RC3H1: variants seen among roughly 807,000 people sequenced by gnomAD.
The protein encoded by RC3H1 is ring finger and CCCH-type domains 1, also known as roquin-1.
RC3H1 carries 50 observed loss-of-function variants against 138.2 expected under a neutral mutation model. That is an observed-to-expected ratio of 0.36 (90% confidence interval 0.29 to 0.46). The LOEUF is 0.46. Ranked by LOEUF, RC3H1 falls within the 20% of genes least tolerant of loss-of-function variation. The pLI is 1.00. For synonymous variants in RC3H1, 462 were observed against 489.1 expected, an observed-to-expected ratio of 0.94 and a Z score of 0.73; for missense variants, 1,031 against 1,388.1, an observed-to-expected ratio of 0.74 and a Z score of 4.09.
At chr1:173,964,365 T>C (rs1179992970) in intron 10 of RC3H1, among the ~76,000 whole-genome samples, 178 bp from the exon 11 acceptor site, 1 of 149,540 alleles carries the variant, frequency 6.7e-6, no homozygotes, top group Non-Finnish European at 1.5e-5. Flanking sequence ...TTTTCTTTTT[T>C]TTTTGAGACA....
rs776854223 is a variant in RC3H1, at chr1:173,943,456, G to A, written c.3121C>T (p.Arg1041Trp). 2 of 1,612,678 alleles carry A rather than the reference G, an allele frequency of 1.2e-6. No homozygotes were observed. The highest frequency in any genetic ancestry group is 1.1e-5 in the South Asian group (1 of 90,890). Residue 1041 changes from arginine to tryptophan, a missense_variant, in exon 18 of 20, where the codon CGG becomes TGG. Transcript: ENST00000367696. Reference protein sequence around the residue: ...QVEREIGKRTRELSMENQCSL... With the variant: ...QVEREIGKRTWELSMENQCSL... ...ATAACACTCACCATACTCAGTTCCC[G>A]TGTTCTCTTCCCGATTTCCCTTTCC...
Position 173,934,715 on chromosome 1 carries a change from G to A in RC3H1, c.*4006C>T, listed in dbSNP as rs985325967. The stretch of plus-strand genomic sequence containing the variant: ...CAACTTCACAGAAGTTATTGGCTAA[G>A]CGAATTCATTTGAATGCTCTGTTTT... On this transcript the variant is annotated 3_prime_UTR_variant, in exon 20 of 20. Transcript: ENST00000367696. The A allele has an allele frequency of 1.3e-5, 2 of 152,176 alleles. No individual in the cohort carries two copies. The highest frequency in any genetic ancestry group is 4.8e-5 in the African/African-American group (2 of 41,444). 9.4% of individuals were successfully genotyped at this position (152,176 alleles called of 1,614,324 possible).
intron 11 of RC3H1, among the ~76,000 whole-genome samples, chr1:173,962,539 A>G (rs74126478): frequency 6.6e-6 from 1 of 152,180 alleles, no homozygotes; most frequent in African/African-American, 2.4e-5. Flanking sequence ...GCTTGGCTCT[A>G]CAGTTCTTGA....
chr1:173,939,055 T>C (rs1394734538), intron 19 of RC3H1, among the ~76,000 whole-genome samples, 184 bp from the exon 20 acceptor site: 1 of 152,180 alleles, frequency 6.6e-6, no homozygotes, highest in East Asian at 1.9e-4. Context: ...TGCGTATTTT[T>C]TTTTTCAGGT....
Position 173,978,537 on chromosome 1 carries a change from G to A in RC3H1, c.1053C>T (p.Asn351=), listed in dbSNP as rs1357301908. ...LQRTGDPANL[N]RLRPHLELLA... is the part of the protein sequence containing the mutation. ...ACAGCTCCAAATGGGGTCTTAGTCG[G>A]TTCAAGTTTGCTGGGTCTCCAGTTC... is the stretch of plus-strand genomic sequence containing the variant. The change falls in exon 7 of 20, where the codon AAC becomes AAT. Residue 351 remains asparagine (N), a synonymous_variant. Transcript: ENST00000367696. The A allele has an allele frequency of 6.2e-7, 1 of 1,614,068 alleles. No individual in the cohort carries two copies. The highest frequency in any genetic ancestry group is 1.7e-5 in the Admixed American group (1 of 60,004).
chr1:174,016,974 G>GCCAA (rs1661873297), intron 1 of RC3H1, among the ~76,000 whole-genome samples: 1 of 152,170 alleles, frequency 6.6e-6, no homozygotes, highest in Admixed American at 6.5e-5. Flanking sequence ...CAGGTATAGG[G>GCCAA]CCAAGATCAA....
intron 1 of RC3H1, among the ~76,000 whole-genome samples, chr1:174,020,152 A>T (rs1015211205): frequency 1.4e-5 from 2 of 147,506 alleles, no homozygotes; most frequent in Admixed American, 1.4e-4. Flanking sequence ...AAAAAAAATC[A>T]CAGATTTGAG....
At chr1:173,950,441 A>AAAAAAAAAAAAAAAAT in intron 14 of RC3H1, among the ~76,000 whole-genome samples, 1 of 148,152 alleles carries the variant, frequency 6.7e-6, no homozygotes, top group Non-Finnish European at 1.5e-5. Flanking sequence ...AAAAAAAAAA[A>AAAAAAAAAAAAAAAAT]GAGCTGAGCA....
At chr1:173,959,875 G>A (rs574479317) in intron 13 of RC3H1, among the ~76,000 whole-genome samples, 1 of 152,116 alleles carries the variant, frequency 6.6e-6, no homozygotes, top group South Asian at 2.1e-4. Context: ...GGAAGCTGAG[G>A]TGGGAGGATC....
At chr1:174,018,407 G>A (rs757467396) in intron 1 of RC3H1, among the ~76,000 whole-genome samples, 78 of 152,028 alleles carry the variant, frequency 5.1e-4, no homozygotes, top group Non-Finnish European at 9.6e-4. Flanking sequence ...ACCAAAAATG[G>A]ACAGAAATAA....
chr1:173,989,486 G>A (rs1422949966), intron 2 of RC3H1, among the ~76,000 whole-genome samples: 1 of 152,142 alleles, frequency 6.6e-6, no homozygotes, highest in African/African-American at 2.4e-5. Context: ...ACTGTGAACA[G>A]CCAATTGTTC....
rs1342216038 is a variant in RC3H1 at position 173,964,182 on chromosome 1, T to C, written c.1622A>G (p.Glu541Gly). The change falls in exon 11 of 20, where the codon GAA (glutamate) becomes GGA (glycine). Residue 541 changes from glutamate (E) to glycine (G), a missense_variant. By Grantham distance (98) the Glu-to-Gly change is moderately conservative. Transcript: ENST00000367696. Reference sequence around the variant, plus strand: ...GGCAGAAATACTCTTAGGAACAGATTCTAGCCTAAGGGAATAATATTATGG... The same window carrying C: ...GGCAGAAATACTCTTAGGAACAGATCCTAGCCTAAGGGAATAATATTATGG... ...SAPGSPPDLL[E>G]SVPKSISALP... 1.2e-6 allele frequency: 2 copies of C among 1,608,084 alleles called. No homozygotes were observed. The highest frequency in any genetic ancestry group is 1.7e-6 in the Non-Finnish European group (2 of 1,174,592).
At chr1:173,972,387 G>A (rs1269492190) in intron 8 of RC3H1, 122 bp downstream of exon 8, 6 of 661,752 alleles carry the variant, frequency 9.1e-6, no homozygotes, top group Non-Finnish European at 1.4e-5. Flanking sequence ...TATACTCAGA[G>A]TCTCAAAATG....
Position 173,935,047 on chromosome 1 carries a change from G to A in RC3H1, c.*3674C>T, listed in dbSNP as rs918406893. On this transcript the variant is annotated 3_prime_UTR_variant, in exon 20 of 20. Coordinates refer to ENST00000367696, the MANE Select transcript of RC3H1 (RefSeq NM_172071.4). Reference sequence around the variant, plus strand: ...CCAAACAATTTTTTAAATACATTCTGAGTAGTTGAATATTTGTAGTTGGCA... The same window carrying A: ...CCAAACAATTTTTTAAATACATTCTAAGTAGTTGAATATTTGTAGTTGGCA... 6.6e-6 allele frequency: 1 copy of A among 152,142 alleles called. No individual in the cohort carries two copies. Among genetic ancestry groups the A allele is most frequent in the African/African-American group, 2.4e-5 (1 of 41,426 alleles). The allele number at this position is 152,142 out of a possible 1,614,324, so 9.4% of individuals were successfully genotyped here.
At chr1:173,960,535 G>A (rs1048552545) in intron 13 of RC3H1, among the ~76,000 whole-genome samples, 1 of 152,084 alleles carries the variant, frequency 6.6e-6, no homozygotes. Context: ...CATATTACAT[G>A]TTCAACAGCC....
chr1:173,983,491 G>T lies in RC3H1; in HGVS notation c.519C>A (p.His173Gln), dbSNP rs756928244. 1.2e-6 allele frequency: 2 copies of T among 1,614,190 alleles called. No individual in the cohort carries two copies. Among genetic ancestry groups the T allele is most frequent in the Non-Finnish European group, 1.7e-6 (2 of 1,180,040 alleles). Residue 173 changes from histidine to glutamine, a missense_variant, in exon 4 of 20, where the codon CAC becomes CAA. Coordinates refer to ENST00000367696, the MANE Select transcript of RC3H1 (RefSeq NM_172071.4). Reference sequence around the variant, plus strand: ...TGGAAGAGAGTTGCTGAGGATTCTGGTGCTGGAGAATGAGCTCTGTAACTG... The same window carrying T: ...TGGAAGAGAGTTGCTGAGGATTCTGTTGCTGGAGAATGAGCTCTGTAACTG... ...ERTVTELILQ[H>Q]QNPQQLSSNL...
At chr1:173,949,249 CCA>C (rs1292795034) in intron 14 of RC3H1, among the ~76,000 whole-genome samples, 5 of 151,726 alleles carry the variant, frequency 3.3e-5, no homozygotes, top group Non-Finnish European at 5.9e-5. Flanking sequence ...CTTTTCTTAA[CCA>C]CCTGGAAAAG....
intron 13 of RC3H1, among the ~76,000 whole-genome samples, chr1:173,956,352 A>T (rs1383634008): frequency 6.6e-6 from 1 of 152,110 alleles, no homozygotes; most frequent in East Asian, 1.9e-4. Flanking sequence ...TAAATGTTTG[A>T]GATGATATGC....
At chr1:173,944,174 C>CAAAAAA (rs201962234) in intron 17 of RC3H1, among the ~76,000 whole-genome samples, 1 of 57,548 alleles carries the variant, frequency 1.7e-5, no homozygotes. Flanking sequence ...CTTTGTCTCT[C>CAAAAAA]AAAAAAAAAA....
Sources: allele counts gnomAD v4.1 joint callset (sites outside exome capture counted in the v4.1 genomes callset), GRCh38; gene constraint gnomAD v4.1.1; transcripts MANE v1.5; gene names NCBI Gene and HGNC (gene_info 2026-07-23, HGNC 2026-07-21).